Variants in SLC6A7 observed in about 807,000 individuals in gnomAD.
The protein encoded by SLC6A7 is solute carrier family 6 member 7.
SLC6A7 carries 58 observed loss-of-function variants against 73.1 expected under a neutral mutation model. The ratio of observed to expected loss-of-function variants is 0.79; its 90% CI spans 0.64 to 0.99. The LOEUF is 0.99. Among genes scored for constraint, SLC6A7 ranks in the 50% least tolerant of loss-of-function variants. The pLI is 0.00. For missense variants in SLC6A7, 783 were observed against 831.4 expected (o/e 0.94, Z 0.72); for synonymous variants, 338 against 338.7 (o/e 1.00, Z 0.02).
chr5:150,203,773 T>C lies in SLC6A7; in HGVS notation c.1194T>C (p.Asp398=), dbSNP rs2240794. Residue 398 remains aspartate, a synonymous_variant, in exon 9 of 14, where the codon GAT becomes GAC. Transcript: ENST00000230671. ...FFFMLLTLGL[D]SQFAFLETIV... ...TCATGCTTCTGACTCTCGGCCTAGA[T>C]AGCCAGGTGAGTCTCGTCTGTGGCA... 0.79 allele frequency: 1,249,735 copies of C among 1,582,402 alleles called. 496,169 individuals carry two copies. Among genetic ancestry groups the C allele is most frequent in the African/African-American group, 0.88 (64,701 of 73,646 alleles).
intron 3 of SLC6A7, 65 bp from the exon 4 acceptor site, chr5:150,196,977 A>G: frequency 9.7e-6 from 15 of 1,549,526 alleles, no homozygotes; most frequent in Non-Finnish European, 1.3e-5. Context: ...AGCTCCCCAG[A>G]AGCCACTCCA....
At chr5:150,201,311 G>GCTCCCTGGGACACC in intron 6 of SLC6A7, 88 bp downstream of exon 6, 2 of 936,084 alleles carry the variant, frequency 2.1e-6, no homozygotes, top group Non-Finnish European at 1.6e-6. Context: ...CGCAGTACCA[G>GCTCCCTGGGACACC]GCACTCTGCT....
chr5:150,206,581 G>A (rs973635331), intron 13 of SLC6A7, among the ~76,000 whole-genome samples: 5 of 152,168 alleles, frequency 3.3e-5, no homozygotes, highest in South Asian at 2.1e-4. Flanking sequence ...CCACCACAAG[G>A]CTCCACCTGC....
chr5:150,207,790 A>G (rs566830936), intron 13 of SLC6A7, among the ~76,000 whole-genome samples: 7 of 152,284 alleles, frequency 4.6e-5, no homozygotes, highest in African/African-American at 1.4e-4. Context: ...TCATTAGGAC[A>G]CTGTAAAGAT....
In SLC6A7 at chr5:150,210,627, A is replaced by C. The variant is rs1317665522; in HGVS notation, c.*1012A>C. 6.6e-6 allele frequency: 1 copy of C among 152,370 alleles called. No individual in the cohort carries two copies. The highest frequency in any genetic ancestry group is 1.5e-5 in the Non-Finnish European group (1 of 68,066). 9.4% of individuals were successfully genotyped at this position (152,370 alleles called of 1,614,324 possible). A position where few individuals can be genotyped will look rare whatever the true frequency, so the allele number is the denominator to read the frequency against. On this transcript the variant is annotated 3_prime_UTR_variant, in exon 14 of 14. Transcript: ENST00000230671. ...AAAAGCTGGGGAGGTAGGAAGGGTC[A>C]CTGTGAGGGCCCAGGGCCCCTCTCT...
Position 150,209,523 on chromosome 5 carries a change from C to T in SLC6A7, c.1819C>T (p.His607Tyr). The T allele has an allele frequency of 6.2e-7, 1 of 1,614,198 alleles. No individual in the cohort carries two copies. Among genetic ancestry groups the T allele is most frequent in the Non-Finnish European group, 8.5e-7 (1 of 1,180,012 alleles). ...GSQSPKPLMVHMRKYGGITSF... is the reference protein window; with the variant it reads ...GSQSPKPLMVYMRKYGGITSF... ...CCAGTCACCAAAGCCACTGATGGTG[C>T]ACATGCGCAAGTACGGGGGCATCAC... The change falls in exon 14 of 14, where the codon CAC (histidine) becomes TAC (tyrosine). Residue 607 changes from histidine (H) to tyrosine (Y), a missense_variant. By Grantham distance (83) the His-to-Tyr change is moderately conservative (BLOSUM62 2). Transcript: ENST00000230671.
chr5:150,193,475 G>A (rs1249742811), intron 1 of SLC6A7, among the ~76,000 whole-genome samples: 1 of 152,146 alleles, frequency 6.6e-6, no homozygotes. Context: ...ACCTTGCCTG[G>A]TGGGGTTTGA....
In SLC6A7 at chr5:150,192,899, TG is replaced by T. The variant is rs1208438607; in HGVS notation, c.34-1827del. Among the ~76,000 whole-genome samples the T allele has an allele frequency of 3.3e-5, 5 of 152,116 alleles. No individual in the cohort carries two copies. The East Asian group carries it at 9.6e-4, about 29-fold the overall frequency. On this transcript the variant is annotated intron_variant, in intron 1 of 13. Coordinates refer to ENST00000230671, the MANE Select transcript of SLC6A7 (RefSeq NM_014228.5). ...GCTCACCACCCAACACCAGGAACAG[TG>T]GCAACCATTCCTCCCGGAGCTCACC...
At position 150,191,715 on chromosome 5, in the gene SLC6A7, T is replaced by C. The variant is rs368122790; in HGVS notation, c.33+1355T>C. ...AAAGTGCTGGGATTACAGGTGTGAG[T>C]CACTGCGCCCAGCTGGTATGTCTTT... On this transcript the variant is annotated intron_variant, in intron 1 of 13. Transcript: ENST00000230671. Among the ~76,000 whole-genome samples the C allele has an allele frequency of 9.2e-5, 14 of 152,174 alleles. No individual in the cohort carries two copies. In the East Asian group the frequency reaches 1.2e-3, roughly 13 times the overall value.
At chr5:150,204,390 G>A in intron 10 of SLC6A7, 142 bp from the exon 11 acceptor site, 1 of 720,570 alleles carries the variant, frequency 1.4e-6, no homozygotes, top group Non-Finnish European at 2.5e-6. Context: ...AGGCCTAGAA[G>A]GGCTGGGCTG....
At chr5:150,196,332 T>C (rs1275942929) in intron 2 of SLC6A7, among the ~76,000 whole-genome samples, 1 of 152,110 alleles carries the variant, frequency 6.6e-6, no homozygotes, top group African/African-American at 2.4e-5. Flanking sequence ...CAGTCACAAG[T>C]GTCTGAGGCG....
At chr5:150,194,063 A>T (rs1209641627) in intron 1 of SLC6A7, among the ~76,000 whole-genome samples, 1 of 152,214 alleles carries the variant, frequency 6.6e-6, no homozygotes, top group Non-Finnish European at 1.5e-5. Flanking sequence ...GCACATAGTA[A>T]GTGCTCAATA....
chr5:150,195,187 G>A (rs1206018830), intron 2 of SLC6A7: 7 of 354,922 alleles, frequency 2.0e-5, no homozygotes, highest in Non-Finnish European at 3.1e-5. Flanking sequence ...TGCACGGTGG[G>A]CAGAGGGAGC....
At position 150,209,813 on chromosome 5, in the gene SLC6A7, A is replaced by G; in HGVS notation, c.*198A>G. 1.7e-6 allele frequency: 1 copy of G among 602,848 alleles called. No homozygotes were observed. The allele number at this position is 602,848 out of a possible 1,614,324, so 37.3% of individuals were successfully genotyped here. A position where few individuals can be genotyped will look rare whatever the true frequency, so the allele number is the denominator to read the frequency against. ...CTCTGACAACCCCCTACACACACAC[A>G]CAGGCATACTCAGACCCACTCAAAG... On this transcript the variant is annotated 3_prime_UTR_variant, in exon 14 of 14. Coordinates refer to ENST00000230671, the MANE Select transcript of SLC6A7 (RefSeq NM_014228.5).
chr5:150,198,042 G>A (rs187720139), intron 4 of SLC6A7, among the ~76,000 whole-genome samples: 277 of 101,788 alleles, frequency 2.7e-3, no homozygotes, highest in African/African-American at 0.011. Flanking sequence ...GCCTTTAAAA[G>A]AAGAAAGAGA....
chr5:150,199,405 T>C, intron 5 of SLC6A7, 39 bp downstream of exon 5: 3 of 1,501,018 alleles, frequency 2.0e-6, no homozygotes, highest in Non-Finnish European at 2.8e-6. Flanking sequence ...AGGGGCTGGA[T>C]GGGGTGAAGG....
chr5:150,203,884 C>G (rs1326996540), intron 9 of SLC6A7, 23 bp from the exon 10 acceptor site: 1 of 1,606,976 alleles, frequency 6.2e-7, no homozygotes, highest in Non-Finnish European at 8.5e-7. Context: ...AATTCTGACC[C>G]CCAGCCCCTC....
chr5:150,202,614 C>G lies in SLC6A7; in HGVS notation c.998C>G (p.Thr333Ser). The G allele has an allele frequency of 6.2e-7, 1 of 1,614,240 alleles. No homozygotes were observed. Among genetic ancestry groups the G allele is most frequent in the Non-Finnish European group, 8.5e-7 (1 of 1,180,026 alleles). The change falls in exon 8 of 14, where the codon ACC (threonine) becomes AGC (serine). Residue 333 changes from threonine (T) to serine (S), a missense_variant. Transcript: ENST00000230671. ...TFIVTLGNAITSILAGFAIFS... is the reference protein window; with the variant it reads ...TFIVTLGNAISSILAGFAIFS... ...ATCGTCACTCTGGGCAACGCCATCACCAGCATCCTGGCTGGCTTTGCCATC... is the reference window on the plus strand; with the variant it reads ...ATCGTCACTCTGGGCAACGCCATCAGCAGCATCCTGGCTGGCTTTGCCATC...
At chr5:150,199,070 C>T (rs1753231015) in intron 4 of SLC6A7, among the ~76,000 whole-genome samples, 158 bp from the exon 5 acceptor site, 1 of 152,114 alleles carries the variant, frequency 6.6e-6, no homozygotes, top group Non-Finnish European at 1.5e-5. Context: ...TGAGGCCAGC[C>T]TCCTGGGTCA....
Sources: allele counts gnomAD v4.1 joint callset (sites outside exome capture counted in the v4.1 genomes callset), GRCh38; gene constraint gnomAD v4.1.1; transcripts MANE v1.5; gene names NCBI Gene and HGNC (gene_info 2026-07-23, HGNC 2026-07-21).